The following GRXCR1 variants were observed in gnomAD, a reference collection of about 807,000 sequenced individuals.
The protein encoded by GRXCR1 is glutaredoxin domain-containing cysteine-rich protein 1.
GRXCR1 carries 27 observed loss-of-function variants against 27.3 expected under a neutral mutation model. That is an observed-to-expected ratio of 0.99 (90% CI 0.73 to 1.37). The LOEUF is 1.37. Ranked by LOEUF, GRXCR1 falls within the 40% of genes most tolerant of loss-of-function variation. The pLI is 0.00. For missense variants in GRXCR1, 379 were observed against 354.4 expected, an observed-to-expected ratio of 1.07 and a Z score of -0.56; for synonymous variants, 122 against 131.1, an observed-to-expected ratio of 0.93 and a Z score of 0.47.
chr4:42,986,115 A>G (rs1254366593), intron 2 of GRXCR1, among the ~76,000 whole-genome samples: 1 of 152,136 alleles, frequency 6.6e-6, no homozygotes, highest in Non-Finnish European at 1.5e-5. Flanking sequence ...TTTGTTTTTA[A>G]TCACTTCTTA....
At chr4:43,017,966 AACCT>A (rs887599533) in intron 2 of GRXCR1, among the ~76,000 whole-genome samples, 2 of 152,184 alleles carry the variant, frequency 1.3e-5, no homozygotes, top group Non-Finnish European at 2.9e-5. Flanking sequence ...AAATGCTCCA[AACCT>A]CAGCATGGGA....
rs147917612 is a variant in GRXCR1 at position 42,917,041 on chromosome 4, T to G, written c.384+23391T>G. 4.2e-4 allele frequency among the ~76,000 whole-genome samples: 64 copies of G among 152,174 alleles called. 1 individual carries two copies. Among genetic ancestry groups the G allele is most frequent in the African/African-American group, 1.4e-3 (58 of 41,530 alleles). ...GTGATTGCTTAGGGTCAAAGGCAATTTGAGAGGAAACAAAACCAAGAATTT... is the reference window on the plus strand; with the variant it reads ...GTGATTGCTTAGGGTCAAAGGCAATGTGAGAGGAAACAAAACCAAGAATTT... On this transcript the variant is annotated intron_variant, in intron 1 of 3. Transcript: ENST00000399770.
intron 2 of GRXCR1, among the ~76,000 whole-genome samples, chr4:43,008,755 T>G (rs1712644530): frequency 6.6e-6 from 1 of 152,226 alleles, no homozygotes; most frequent in South Asian, 2.1e-4. Context: ...ATTCTGACCC[T>G]GCCAACTGTT....
chr4:42,989,879 G>A (rs1028008669), intron 2 of GRXCR1, among the ~76,000 whole-genome samples: 2 of 151,836 alleles, frequency 1.3e-5, no homozygotes, highest in Non-Finnish European at 2.9e-5. Context: ...GCTAAATATG[G>A]GGTTCTTCTT....
intron 1 of GRXCR1, among the ~76,000 whole-genome samples, chr4:42,900,467 C>A (rs1429880372): frequency 6.6e-6 from 1 of 151,770 alleles, no homozygotes; most frequent in African/African-American, 2.4e-5. Context: ...TTTTTTGATT[C>A]TTAAATAACA....
intron 1 of GRXCR1, among the ~76,000 whole-genome samples, chr4:42,953,732 G>T (rs1747935273): frequency 6.6e-6 from 1 of 152,136 alleles, no homozygotes; most frequent in Non-Finnish European, 1.5e-5. Context: ...TGAGGTTGAA[G>T]ACTGTGGATT....
At chr4:42,903,489 T>A (rs1169479616) in intron 1 of GRXCR1, among the ~76,000 whole-genome samples, 2 of 146,076 alleles carry the variant, frequency 1.4e-5, no homozygotes, top group African/African-American at 5.0e-5. Flanking sequence ...TTTTTTGTAT[T>A]TTTTAGTAGA....
chr4:43,025,569 G>C (rs1430895252), intron 3 of GRXCR1, among the ~76,000 whole-genome samples: 1 of 152,230 alleles, frequency 6.6e-6, no homozygotes, highest in Non-Finnish European at 1.5e-5. Flanking sequence ...ATTCAGAGGA[G>C]AGGAGACACA....
chr4:42,932,108 A>G (rs768721148), intron 1 of GRXCR1, among the ~76,000 whole-genome samples: 1 of 151,952 alleles, frequency 6.6e-6, no homozygotes, highest in Non-Finnish European at 1.5e-5. Flanking sequence ...TGGGAGCTAC[A>G]ATTCAAGATG....
intron 1 of GRXCR1, among the ~76,000 whole-genome samples, chr4:42,910,774 T>C (rs1212421943): frequency 6.6e-6 from 1 of 152,144 alleles, no homozygotes; most frequent in African/African-American, 2.4e-5. Context: ...AGCACATATA[T>C]ACCAATACAG....
At chr4:43,002,435 C>A (rs1712403109) in intron 2 of GRXCR1, among the ~76,000 whole-genome samples, 1 of 152,212 alleles carries the variant, frequency 6.6e-6, no homozygotes. Context: ...GCACGTCCTG[C>A]ACAGCCCTAG....
chr4:42,897,741 T>C (rs1292299489), intron 1 of GRXCR1, among the ~76,000 whole-genome samples: 1 of 152,034 alleles, frequency 6.6e-6, no homozygotes. Flanking sequence ...TGTGTGGTGA[T>C]TTTGTAATTT....
chr4:43,020,339 C>G lies in GRXCR1; in HGVS notation c.628-15C>G. 8 of 1,566,122 alleles carry G rather than the reference C, an allele frequency of 5.1e-6. No individual in the cohort carries two copies. Among genetic ancestry groups the G allele is most frequent in the Non-Finnish European group, 7.0e-6 (8 of 1,136,336 alleles). ...ACAAAAATGGATTTTTCTCCCTACTCTCTCTCGTTAATAGGGTGCTGAGAA... is the reference window on the plus strand; with the variant it reads ...ACAAAAATGGATTTTTCTCCCTACTGTCTCTCGTTAATAGGGTGCTGAGAA... On this transcript the variant is annotated splice_polypyrimidine_tract_variant and intron_variant, in intron 2 of 3. Transcript: ENST00000399770.
chr4:43,010,171 A>G (rs111294970), intron 2 of GRXCR1, among the ~76,000 whole-genome samples: 11,736 of 152,116 alleles, frequency 0.077, 806 homozygotes, highest in African/African-American at 0.19. Context: ...GGAGGCCAAG[A>G]TGGGTGGATC....
At chr4:43,019,719 C>T (rs1480639740) in intron 2 of GRXCR1, among the ~76,000 whole-genome samples, 1 of 152,158 alleles carries the variant, frequency 6.6e-6, no homozygotes, top group Non-Finnish European at 1.5e-5. Flanking sequence ...CTCTGGAGTG[C>T]ATGCCCTACC....
intron 2 of GRXCR1, among the ~76,000 whole-genome samples, chr4:42,972,779 TG>T (rs1298612093): frequency 6.6e-6 from 1 of 152,162 alleles, no homozygotes; most frequent in African/African-American, 2.4e-5. Flanking sequence ...CAAATTTAGG[TG>T]TGTCTGGCTA....
At chr4:42,973,438 G>C (rs756274611) in intron 2 of GRXCR1, among the ~76,000 whole-genome samples, 2 of 150,356 alleles carry the variant, frequency 1.3e-5, no homozygotes, top group Non-Finnish European at 3.0e-5. Flanking sequence ...CTCTAATCTT[G>C]TAAAGTCTTT....
chr4:42,949,371 A>C (rs1474519070), intron 1 of GRXCR1, among the ~76,000 whole-genome samples: 7 of 151,380 alleles, frequency 4.6e-5, no homozygotes, highest in Admixed American at 1.3e-4. Context: ...AAAAAAAAAA[A>C]AAAAACAACT....
At chr4:42,897,956 A>ATTC (rs66705625) in intron 1 of GRXCR1, among the ~76,000 whole-genome samples, 4 of 25,422 alleles carry the variant, frequency 1.6e-4, no homozygotes, top group Admixed American at 6.3e-4. Context: ...TATTATTATT[A>ATTC]TTCTTATTAT....
Sources: allele counts gnomAD v4.1 joint callset (sites outside exome capture counted in the v4.1 genomes callset), GRCh38; gene constraint gnomAD v4.1.1; transcripts MANE v1.5; gene names NCBI Gene and HGNC (gene_info 2026-07-23, HGNC 2026-07-21).